Variants in EPHA5 observed in about 807,000 individuals in gnomAD.
The protein encoded by EPHA5 is ephrin type-A receptor 5.
Under a neutral mutation model 105.0 loss-of-function variants are expected in EPHA5, and 60 were observed. The ratio of observed to expected loss-of-function variants is 0.57; its 90% CI spans 0.46 to 0.71. The LOEUF is 0.71. EPHA5 is among the 30% of genes least tolerant of loss of function. The probability of loss-of-function intolerance (pLI) is 0.00; values close to 1 mark genes in which losing one functional copy is unlikely to be tolerated. For missense variants in EPHA5, 1,218 were observed against 1,274.7 expected, an observed-to-expected ratio of 0.96 and a Z score of 0.68; for synonymous variants, 513 against 449.1, an observed-to-expected ratio of 1.14 and a Z score of -1.80.
chr4:65,646,387 A>G (rs1382323628), intron 1 of EPHA5, among the ~76,000 whole-genome samples: 1 of 152,220 alleles, frequency 6.6e-6, no homozygotes, highest in Non-Finnish European at 1.5e-5. Context: ...GGGTGTGGCT[A>G]ATCAGCATAC....
At chr4:65,411,544 A>AT (rs1722908519) in intron 7 of EPHA5, among the ~76,000 whole-genome samples, 1 of 152,150 alleles carries the variant, frequency 6.6e-6, no homozygotes, top group Admixed American at 6.5e-5. Context: ...GATAAAATCA[A>AT]TTTTTCTTAG....
At chr4:65,606,633 A>G (rs1744255411) in intron 2 of EPHA5, among the ~76,000 whole-genome samples, 1 of 152,166 alleles carries the variant, frequency 6.6e-6, no homozygotes, top group Admixed American at 6.5e-5. Context: ...TTTCACTAGC[A>G]TTACATTTTA....
intron 3 of EPHA5, among the ~76,000 whole-genome samples, chr4:65,580,192 G>A (rs942662799): frequency 6.6e-5 from 10 of 151,650 alleles, no homozygotes; most frequent in African/African-American, 2.2e-4. Flanking sequence ...AATGTTTAAG[G>A]ACTCATTAAA....
rs142494813 is a variant in EPHA5 at position 65,560,407 on chromosome 4, A to G, written c.910+41234T>C. On this transcript the variant is annotated intron_variant, in intron 3 of 16. Transcript: ENST00000613740. ...GTATCACAACTTAATTTTTCTCCAT[A>G]AGAAACGGATATTTTTTCCTTCTCT... Among the ~76,000 whole-genome samples the G allele has an allele frequency of 3.5e-3, 531 of 152,162 alleles. 5 individuals are homozygous for G. Among genetic ancestry groups the G allele is most frequent in the African/African-American group, 0.012 (505 of 41,538 alleles).
rs561166268 is a variant in EPHA5, at chr4:65,642,173, G to GA, written c.246+1189dup. On this transcript the variant is annotated intron_variant, in intron 2 of 16. Coordinates refer to ENST00000613740, the MANE Select transcript of EPHA5 (RefSeq NM_001281766.3). ...AGCACATCAGCCATCCTCTCAGAAA[G>GA]AAAAAAAAATTAAAATATTTATTCA... 1.5e-3 allele frequency among the ~76,000 whole-genome samples: 227 copies of GA among 150,208 alleles called. 3 individuals are homozygous for GA. The East Asian group carries it at 0.04, about 26-fold the overall frequency.
rs1460362331 is a variant in EPHA5, at chr4:65,490,815, A to G, written c.1067-103T>C. 25 of 1,201,582 alleles carry G rather than the reference A, an allele frequency of 2.1e-5. No individual in the cohort carries two copies. In the South Asian group the frequency reaches 2.3e-4, roughly 11 times the overall value. 74.4% of individuals were successfully genotyped at this position (1,201,582 alleles called of 1,614,324 possible). The stretch of plus-strand genomic sequence containing the variant: ...GTCTGAAGGAAAAAATAGATTTGCA[A>G]TAAGTCCTTTAAGTCATAATTTGTA... On this transcript the variant is annotated intron_variant, in intron 4 of 16. Transcript: ENST00000613740.
rs544531673 is a variant in EPHA5, at chr4:65,411,201, T to C, written c.1687+3083A>G. 2.0e-5 allele frequency among the ~76,000 whole-genome samples: 3 copies of C among 151,900 alleles called. No homozygotes were observed. In the South Asian group the frequency reaches 6.3e-4, roughly 32 times the overall value. On this transcript the variant is annotated intron_variant, in intron 7 of 16. Transcript: ENST00000613740. ...AGAGGAAGAATAATTGGAGATTTTC[T>C]ACCCAAATCTTCATATTAAATAGTT...
At chr4:65,328,081 C>T (rs942515647) in intron 16 of EPHA5, among the ~76,000 whole-genome samples, 1 of 150,900 alleles carries the variant, frequency 6.6e-6, no homozygotes, top group Non-Finnish European at 1.5e-5. Flanking sequence ...TAAGTATGTT[C>T]CCATTATAAG....
chr4:65,483,941 A>T (rs1004894819), intron 5 of EPHA5, among the ~76,000 whole-genome samples: 1 of 152,150 alleles, frequency 6.6e-6, no homozygotes. Flanking sequence ...CATGGAAGAA[A>T]AAAGGCTGGT....
chr4:65,325,088 T>C (rs1334625945), intron 16 of EPHA5, among the ~76,000 whole-genome samples: 2 of 151,512 alleles, frequency 1.3e-5, no homozygotes, highest in East Asian at 3.9e-4. Flanking sequence ...AAAATAAACA[T>C]GAACAATTCA....
At chr4:65,635,770 A>G (rs1747066583) in intron 2 of EPHA5, among the ~76,000 whole-genome samples, 1 of 152,188 alleles carries the variant, frequency 6.6e-6, no homozygotes, top group African/African-American at 2.4e-5. Context: ...AAATTAATCA[A>G]TACAAAATGT....
At chr4:65,610,859 CCACTGT>C (rs1744699471) in intron 2 of EPHA5, among the ~76,000 whole-genome samples, 1 of 152,036 alleles carries the variant, frequency 6.6e-6, no homozygotes, top group Non-Finnish European at 1.5e-5. Flanking sequence ...CATTATGGTA[CCACTGT>C]ATATGGAGAC....
At chr4:65,548,166 C>T (rs975285776) in intron 3 of EPHA5, among the ~76,000 whole-genome samples, 4 of 107,100 alleles carry the variant, frequency 3.7e-5, no homozygotes, top group Non-Finnish European at 6.1e-5. Context: ...TATTAAATAA[C>T]CATACATAAA....
intron 3 of EPHA5, among the ~76,000 whole-genome samples, chr4:65,570,605 G>C (rs1308894841): frequency 6.6e-6 from 1 of 151,780 alleles, no homozygotes; most frequent in Non-Finnish European, 1.5e-5. Context: ...ATAAAAAAAG[G>C]TCATGATTAT....
intron 14 of EPHA5, among the ~76,000 whole-genome samples, chr4:65,338,164 C>T (rs1047800072): frequency 2.6e-5 from 4 of 151,904 alleles, no homozygotes; most frequent in Admixed American, 1.3e-4. Flanking sequence ...AATATTTATT[C>T]TCACTAATGA....
chr4:65,362,057 A>G (rs1250741522), intron 11 of EPHA5, among the ~76,000 whole-genome samples: 1 of 151,684 alleles, frequency 6.6e-6, no homozygotes, highest in African/African-American at 2.4e-5. Flanking sequence ...TAAGCCAAGA[A>G]CTGTGGGCTT....
intron 1 of EPHA5, among the ~76,000 whole-genome samples, chr4:65,660,014 GC>G (rs1749422563): frequency 6.6e-6 from 1 of 151,994 alleles, no homozygotes. Flanking sequence ...CATTTCTCAT[GC>G]CCTTTTAATG....
chr4:65,586,589 C>A (rs908380953), intron 3 of EPHA5, among the ~76,000 whole-genome samples: 2 of 151,728 alleles, frequency 1.3e-5, no homozygotes, highest in African/African-American at 4.8e-5. Context: ...GCTTTATCTA[C>A]TTTTTCAATT....
At chr4:65,459,515 G>C (rs1727928023) in intron 5 of EPHA5, among the ~76,000 whole-genome samples, 1 of 151,644 alleles carries the variant, frequency 6.6e-6, no homozygotes, top group African/African-American at 2.4e-5. Context: ...TGAATAAAAG[G>C]CTATCCCTTT....
Sources: gnomAD v4.1 joint callset for allele counts (sites outside exome capture counted in the v4.1 genomes callset) on GRCh38, gnomAD v4.1.1 for gene constraint, MANE v1.5 for transcripts, NCBI Gene and HGNC (gene_info 2026-07-23, HGNC 2026-07-21) for gene names.